The following ZNF76 variants were observed in gnomAD, a reference collection of about 807,000 sequenced individuals.
ZNF76 encodes zinc finger protein 76.
In ZNF76, 66 loss-of-function variants were observed where a neutral mutation model predicts 66.9. The observed-to-expected ratio is 0.99, with a 90% CI of 0.81 to 1.21. ZNF76 has a LOEUF of 1.21. ZNF76 is among the 50% of genes most tolerant of loss of function. ZNF76 has a pLI of 0.00. For missense variants in ZNF76, 729 were observed against 760.3 expected, an observed-to-expected ratio of 0.96 and a Z score of 0.48; for synonymous variants, 275 against 296.1, an observed-to-expected ratio of 0.93 and a Z score of 0.73.
chr6:35,294,594 G>T (rs201579080), intron 13 of ZNF76, 25 bp downstream of exon 13: 1 of 1,493,968 alleles, frequency 6.7e-7, no homozygotes, highest in Non-Finnish European at 9.3e-7. Flanking sequence ...GGGAGGAAAG[G>T]GGATCCCACG....
intron 3 of ZNF76, 53 bp downstream of exon 3, chr6:35,286,261 A>T: frequency 6.2e-7 from 1 of 1,613,052 alleles, no homozygotes; most frequent in Non-Finnish European, 8.5e-7. Context: ...GACAGCCCCC[A>T]CCAAGGGACC....
intron 13 of ZNF76, chr6:35,294,927 T>C: frequency 1.7e-6 from 1 of 587,380 alleles, no homozygotes; most frequent in African/African-American, 1.9e-5. Flanking sequence ...TGGGTCTCTC[T>C]GACCCTGGCT....
chr6:35,267,497 T>C (rs903427635), intron 1 of ZNF76, among the ~76,000 whole-genome samples: 16 of 152,336 alleles, frequency 1.1e-4, no homozygotes, highest in African/African-American at 3.6e-4. Context: ...AATATATGTG[T>C]ATCTGAGAGC....
chr6:35,289,732 G>A (rs555186605), intron 5 of ZNF76, among the ~76,000 whole-genome samples: 1 of 152,170 alleles, frequency 6.6e-6, no homozygotes, highest in Non-Finnish European at 1.5e-5. Flanking sequence ...GCTTCTGGTC[G>A]TGGCCACCTC....
At chr6:35,272,831 C>T (rs531524258) in intron 1 of ZNF76, among the ~76,000 whole-genome samples, 11 of 152,170 alleles carry the variant, frequency 7.2e-5, no homozygotes, top group African/African-American at 2.6e-4. Context: ...GTGTCTGCAC[C>T]TGACCTCAGC....
intron 11 of ZNF76, among the ~76,000 whole-genome samples, chr6:35,293,473 A>C (rs1790737894): frequency 6.6e-6 from 1 of 152,210 alleles, no homozygotes; most frequent in Non-Finnish European, 1.5e-5. Flanking sequence ...TGTGCTTTCT[A>C]GAGTTGTTAG....
intron 1 of ZNF76, among the ~76,000 whole-genome samples, chr6:35,270,103 T>A (rs540331747): frequency 1.3e-5 from 2 of 152,310 alleles, no homozygotes; most frequent in South Asian, 4.2e-4. Flanking sequence ...TTTTTATTTA[T>A]GTTGCGTAGG....
chr6:35,278,655 G>T (rs939946064), intron 1 of ZNF76, among the ~76,000 whole-genome samples: 1 of 152,244 alleles, frequency 6.6e-6, no homozygotes, highest in Non-Finnish European at 1.5e-5. Context: ...AAGTCCAGGA[G>T]AATTTTGAGA....
rs201590467 is a variant in ZNF76, at chr6:35,291,396, C to T, written c.744C>T (p.Thr248=). Residue 248 remains threonine, a synonymous_variant, in exon 8 of 14, where the codon ACC becomes ACT. Coordinates refer to ENST00000373953, the MANE Select transcript of ZNF76 (RefSeq NM_003427.5). ...TSGDLQKHVR[T]HTGERPFQCP... ...GAGACCTGCAGAAGCATGTCCGTAC[C>T]CACACTGGTATGCTGGGCCCTGCCC... The T allele has an allele frequency of 2.5e-6, 4 of 1,614,148 alleles. No individual in the cohort carries two copies. The highest frequency in any genetic ancestry group is 3.4e-6 in the Non-Finnish European group (4 of 1,180,028).
chr6:35,283,356 T>G (rs1167326771), intron 2 of ZNF76, among the ~76,000 whole-genome samples: 1 of 152,220 alleles, frequency 6.6e-6, no homozygotes, highest in Non-Finnish European at 1.5e-5. Context: ...AAGGCTTCTC[T>G]GACTTCTCCT....
intron 5 of ZNF76, among the ~76,000 whole-genome samples, chr6:35,289,840 G>A (rs1790114314): frequency 6.6e-6 from 1 of 152,158 alleles, no homozygotes; most frequent in South Asian, 2.1e-4. Flanking sequence ...TTCGTGCCAG[G>A]AGGAAGGGGA....
At chr6:35,286,567 T>A in intron 4 of ZNF76, 168 bp downstream of exon 4, 1 of 676,304 alleles carries the variant, frequency 1.5e-6, no homozygotes, top group Admixed American at 2.1e-5. Flanking sequence ...CCACCTTCCC[T>A]GGTGCAGACC....
At chr6:35,272,469 CTGTGTGTGTGTGTGTGTG>C (rs58456911) in intron 1 of ZNF76, among the ~76,000 whole-genome samples, 2,189 of 149,640 alleles carry the variant, frequency 0.015, 41 homozygotes, top group African/African-American at 0.048. Flanking sequence ...GACCCTGTTT[CTGTGTGTGTGTGTGTGTG>C]TGTGTGTGTG....
intron 5 of ZNF76, among the ~76,000 whole-genome samples, chr6:35,288,604 A>G (rs1306621730): frequency 6.6e-6 from 1 of 152,182 alleles, no homozygotes; most frequent in Non-Finnish European, 1.5e-5. Context: ...TTTTTTATTT[A>G]TAATGAAACC....
intron 8 of ZNF76, 34 bp downstream of exon 8, chr6:35,291,437 C>T (rs56289885): frequency 0.011 from 17,384 of 1,613,894 alleles, 136 homozygotes; most frequent in Non-Finnish European, 0.012. Context: ...AACCCCATTC[C>T]CTGGGCAAAA....
chr6:35,287,870 T>A lies in ZNF76; in HGVS notation c.432+25T>A. On this transcript the variant is annotated intron_variant, in intron 5 of 13. Coordinates refer to ENST00000373953, the MANE Select transcript of ZNF76 (RefSeq NM_003427.5). This position sits in a 1 kb window ranked among gnomAD's most constrained non-coding sequence, Gnocchi z 4.0. ...GGTGAGCACGCACAGCGTGACACGGTCTGTCACTCTAGACAACCGGGCCTG... is the reference window on the plus strand; with the variant it reads ...GGTGAGCACGCACAGCGTGACACGGACTGTCACTCTAGACAACCGGGCCTG... 6.4e-7 allele frequency: 1 copy of A among 1,560,956 alleles called. No individual in the cohort carries two copies. Among genetic ancestry groups the A allele is most frequent in the Non-Finnish European group, 8.7e-7 (1 of 1,152,848 alleles).
intron 1 of ZNF76, among the ~76,000 whole-genome samples, chr6:35,268,583 C>G (rs1786509051): frequency 6.6e-6 from 1 of 152,004 alleles, no homozygotes; most frequent in Admixed American, 6.6e-5. Flanking sequence ...GGGCAGATCA[C>G]GAAGTCAGGA....
intron 1 of ZNF76, among the ~76,000 whole-genome samples, chr6:35,279,993 G>A (rs1788518390): frequency 8.9e-6 from 1 of 112,564 alleles, no homozygotes; most frequent in African/African-American, 2.7e-5. Context: ...CACTACACCT[G>A]GCTAATTTTT....
At position 35,291,404 on chromosome 6, in the gene ZNF76, G is replaced by A. The variant is rs767335084; in HGVS notation, c.751+1G>A. ...CAGAAGCATGTCCGTACCCACACTG[G>A]TATGCTGGGCCCTGCCCACTCCAAC... On this transcript the variant is annotated splice_donor_variant, in intron 8 of 13. Transcript: ENST00000373953. LOFTEE classifies it high-confidence loss of function. 1 of 1,614,138 alleles carries A rather than the reference G, an allele frequency of 6.2e-7. No homozygotes were observed. Among genetic ancestry groups the A allele is most frequent in the Admixed American group, 1.7e-5 (1 of 60,026 alleles).
Sources: gnomAD v4.1 joint callset for allele counts (sites outside exome capture counted in the v4.1 genomes callset) on GRCh38, gnomAD v4.1.1 for gene constraint, Gnocchi (gnomAD v3.1) non-coding constraint, MANE v1.5 for transcripts, NCBI Gene and HGNC (gene_info 2026-07-23, HGNC 2026-07-21) for gene names.